The following DLGAP2 variants were observed in gnomAD, a reference collection of about 807,000 sequenced individuals.
DLGAP2 encodes disks large-associated protein 2.
DLGAP2 carries 26 observed loss-of-function variants against 100.3 expected under a neutral mutation model. The ratio of observed to expected loss-of-function variants is 0.26; its 90% CI spans 0.19 to 0.36. DLGAP2 has a LOEUF of 0.36. Among genes scored for constraint, DLGAP2 ranks in the 10% least tolerant of loss-of-function variants. DLGAP2 has a pLI of 1.00. For missense variants in DLGAP2, 1,858 were observed against 1,453.2 expected (o/e 1.28, Z -4.53); for synonymous variants, 886 against 630.1 (o/e 1.41, Z -6.08).
chr8:1,493,212 C>G (rs1030104593), intron 3 of DLGAP2, among the ~76,000 whole-genome samples: 3 of 152,276 alleles, frequency 2.0e-5, no homozygotes, highest in South Asian at 2.1e-4. Context: ...CTCCGCAGCT[C>G]TGAGACGCGC....
intron 2 of DLGAP2, among the ~76,000 whole-genome samples, chr8:1,218,307 G>T (rs1283809409): frequency 6.6e-6 from 1 of 152,108 alleles, no homozygotes; most frequent in African/African-American, 2.4e-5. Context: ...TCTGCATATG[G>T]GTAGCCAGCT....
chr8:746,115 T>C (rs1820612311), intron 1 of DLGAP2, among the ~76,000 whole-genome samples: 1 of 152,188 alleles, frequency 6.6e-6, no homozygotes, highest in South Asian at 2.1e-4. Context: ...CGGGGGTGCG[T>C]CGCTGCTTTC....
intron 2 of DLGAP2, among the ~76,000 whole-genome samples, chr8:1,079,016 CA>C (rs937444903): frequency 1.3e-5 from 2 of 152,216 alleles, no homozygotes; most frequent in African/African-American, 2.4e-5. Context: ...TTTGTACTCC[CA>C]CCAGCAGGGA....
chr8:1,635,110 T>C (rs1797736708), intron 8 of DLGAP2, among the ~76,000 whole-genome samples: 1 of 152,204 alleles, frequency 6.6e-6, no homozygotes, highest in Non-Finnish European at 1.5e-5. Flanking sequence ...GAAATAAAAG[T>C]ACAGATTAAT....
chr8:738,505 G>C (rs1820382747), intron 1 of DLGAP2: 1 of 152,224 alleles, frequency 6.6e-6, no homozygotes, highest in South Asian at 2.1e-4. Flanking sequence ...TAAGCGAGGC[G>C]CTACCCAGCG....
At chr8:792,883 T>C (rs896385356) in intron 1 of DLGAP2, among the ~76,000 whole-genome samples, 6 of 152,234 alleles carry the variant, frequency 3.9e-5, no homozygotes, top group African/African-American at 1.4e-4. Context: ...CATTTTTGTT[T>C]ATGGGGCTGA....
chr8:1,288,718 G>T (rs1799993882), intron 3 of DLGAP2, among the ~76,000 whole-genome samples: 1 of 144,642 alleles, frequency 6.9e-6, no homozygotes, highest in African/African-American at 2.6e-5. Context: ...AGGGGAACTT[G>T]TTTCGTTTCA....
chr8:955,140 A>C (rs1011489206), intron 2 of DLGAP2, among the ~76,000 whole-genome samples: 4 of 151,944 alleles, frequency 2.6e-5, no homozygotes, highest in Non-Finnish European at 4.4e-5. Context: ...AGGCGTCATC[A>C]CCTGGCAGGT....
chr8:854,245 G>A (rs1427926424), intron 1 of DLGAP2, among the ~76,000 whole-genome samples: 9 of 152,294 alleles, frequency 5.9e-5, no homozygotes, highest in East Asian at 5.8e-4. Context: ...AGCGCATTGC[G>A]GGGTTAGTGG....
intron 2 of DLGAP2, among the ~76,000 whole-genome samples, chr8:945,013 C>G (rs572723621): frequency 6.6e-6 from 1 of 152,168 alleles, no homozygotes; most frequent in Non-Finnish European, 1.5e-5. Context: ...TTAACACAAT[C>G]TATGTGTTAG....
intron 2 of DLGAP2, among the ~76,000 whole-genome samples, chr8:951,050 A>G (rs955340442): frequency 6.6e-6 from 1 of 152,208 alleles, no homozygotes; most frequent in Admixed American, 6.5e-5. Flanking sequence ...CACATAGACC[A>G]TGTAAATAGC....
rs561376921 is a variant in DLGAP2 at position 1,267,144 on chromosome 8, A to T, written c.106+8261A>T. 2.2e-3 allele frequency among the ~76,000 whole-genome samples: 341 copies of T among 152,006 alleles called. 1 individual carries two copies. Among genetic ancestry groups the T allele is most frequent in the African/African-American group, 7.9e-3 (329 of 41,442 alleles). On this transcript the variant is annotated intron_variant, in intron 3 of 14. Coordinates refer to ENST00000637795, the MANE Select transcript of DLGAP2 (RefSeq NM_001346810.2). Reference sequence around the variant, plus strand: ...CTACCCCTGAGACTGAGGCAGGAGAATGGCGTGAACCAGGGAGGCGGAGCT... The same window carrying T: ...CTACCCCTGAGACTGAGGCAGGAGATTGGCGTGAACCAGGGAGGCGGAGCT...
chr8:905,442 C>G (rs1289311490), intron 1 of DLGAP2, among the ~76,000 whole-genome samples: 2 of 152,098 alleles, frequency 1.3e-5, no homozygotes, highest in Non-Finnish European at 2.9e-5. Flanking sequence ...TGGTGACTCT[C>G]AAGCGATTCC....
intron 3 of DLGAP2, among the ~76,000 whole-genome samples, chr8:1,286,862 A>G (rs1799932325): frequency 6.6e-6 from 1 of 152,256 alleles, no homozygotes; most frequent in African/African-American, 2.4e-5. Flanking sequence ...GATTTGCACA[A>G]GTGCATTCGA....
intron 2 of DLGAP2, among the ~76,000 whole-genome samples, chr8:1,205,529 G>C (rs940798026): frequency 6.6e-6 from 1 of 152,188 alleles, no homozygotes; most frequent in East Asian, 1.9e-4. Context: ...TTAATTCCCA[G>C]ATGGCTGGTG....
At chr8:1,694,904 A>C (rs921599944) in intron 13 of DLGAP2, among the ~76,000 whole-genome samples, 1 of 151,892 alleles carries the variant, frequency 6.6e-6, no homozygotes, top group Admixed American at 6.6e-5. Flanking sequence ...TGTTCAGTGG[A>C]TTCAGATGCA....
At chr8:884,225 C>T (rs1052627701) in intron 1 of DLGAP2, among the ~76,000 whole-genome samples, 1 of 152,158 alleles carries the variant, frequency 6.6e-6, no homozygotes, top group African/African-American at 2.4e-5. Context: ...TACTGTCTTC[C>T]ACAATGTTTG....
intron 2 of DLGAP2, among the ~76,000 whole-genome samples, chr8:1,076,984 G>T (rs1803638430): frequency 6.9e-6 from 1 of 144,996 alleles, no homozygotes; most frequent in Non-Finnish European, 1.5e-5. Flanking sequence ...GTCTGTCCCG[G>T]GCCCCCCCAA....
At chr8:1,565,928 A>G (rs1802382265) in intron 6 of DLGAP2, 34 bp downstream of exon 6, 1 of 1,536,484 alleles carries the variant, frequency 6.5e-7, no homozygotes, top group Non-Finnish European at 8.8e-7. Context: ...CACTCCAAGC[A>G]CTTTCCCACT....
Sources: gnomAD v4.1 joint callset for allele counts (sites outside exome capture counted in the v4.1 genomes callset) on GRCh38, gnomAD v4.1.1 for gene constraint, MANE v1.5 for transcripts, NCBI Gene and HGNC (gene_info 2026-07-23, HGNC 2026-07-21) for gene names.